Variants in ALDH5A1 observed in about 807,000 individuals in gnomAD.
The protein encoded by ALDH5A1 is succinate-semialdehyde dehydrogenase, mitochondrial.
ALDH5A1 carries 33 observed loss-of-function variants against 54.7 expected under a neutral mutation model. That is an observed-to-expected ratio of 0.60 (90% CI 0.46 to 0.81). ALDH5A1 has a LOEUF of 0.81. Ranked by LOEUF, ALDH5A1 falls within the 30% of genes least tolerant of loss-of-function variation. The probability of loss-of-function intolerance (pLI) is 0.00; values close to 1 mark genes in which losing one functional copy is unlikely to be tolerated. For missense variants in ALDH5A1, 657 were observed against 711.0 expected (o/e 0.92, Z 0.86); for synonymous variants, 294 against 292.7 (o/e 1.00, Z -0.05).
intron 1 of ALDH5A1, 86 bp downstream of exon 1, chr6:24,495,436 C>T: frequency 7.6e-7 from 1 of 1,323,856 alleles, no homozygotes; most frequent in South Asian, 1.3e-5. Context: ...TGACACCAGC[C>T]GCGTCGCCTC....
intron 2 of ALDH5A1, 31 bp downstream of exon 2, chr6:24,502,637 A>G (rs770021720): frequency 9.6e-6 from 15 of 1,565,954 alleles, no homozygotes; most frequent in Non-Finnish European, 1.2e-5. Context: ...TGGTGCACTG[A>G]GAAATTCTCC....
chr6:24,533,812 A>G lies in ALDH5A1; in HGVS notation c.*100A>G. ...AATAAACTAATAGGTTTTCAGAATT[A>G]TGAATTTTTCAGAACTCATCCAGTC... On this transcript the variant is annotated 3_prime_UTR_variant, in exon 10 of 10. Transcript: ENST00000357578. The G allele has an allele frequency of 4.9e-6, 6 of 1,227,436 alleles. No individual in the cohort carries two copies. The highest frequency in any genetic ancestry group is 6.9e-6 in the Non-Finnish European group (6 of 871,296). The allele number at this position is 1,227,436 out of a possible 1,614,324, so 76.0% of individuals were successfully genotyped here. A position where few individuals can be genotyped will look rare whatever the true frequency, so the allele number is the denominator to read the frequency against.
Position 24,504,988 on chromosome 6 carries a change from G to A in ALDH5A1, c.726+3G>A, listed in dbSNP as rs114082057. 33,975 of 1,613,416 alleles carry A rather than the reference G, an allele frequency of 0.021. 457 individuals carry two copies. The highest frequency in any genetic ancestry group is 0.038 in the South Asian group (3,446 of 91,064). On this transcript the variant is annotated splice_donor_region_variant and intron_variant, in intron 4 of 9. Transcript: ENST00000357578. ...TCTCCGCCCTGGCCCTGGCTGAGGT[G>A]AGCCGCTCTCCCTGTGTTTGTACAA...
rs1224534490 is a variant in ALDH5A1, at chr6:24,518,812, T to G, written c.871-1589T>G. 6.6e-6 allele frequency among the ~76,000 whole-genome samples: 1 copy of G among 152,138 alleles called. No homozygotes were observed. Among genetic ancestry groups the G allele is most frequent in the Admixed American group, 6.6e-5 (1 of 15,260 alleles). ...CTCATGACCTCAGAATGTACAACAC[T>G]TGGGGGGCAATCCTAGAGCCACCTT... is the stretch of plus-strand genomic sequence containing the variant. On this transcript the variant is annotated intron_variant, in intron 5 of 9. Transcript: ENST00000357578. This position sits in a 1 kb window ranked among gnomAD's most constrained non-coding sequence, Gnocchi z 4.2.
At position 24,509,725 on chromosome 6, in the gene ALDH5A1, T is replaced by C. The variant is rs542933563; in HGVS notation, c.726+4740T>C. On this transcript the variant is annotated intron_variant, in intron 4 of 9. Transcript: ENST00000357578. The surrounding 1 kb of genome is among the most constrained non-coding windows in gnomAD (Gnocchi z 4.7). Reference sequence around the variant, plus strand: ...GATTTTCTCTCTTCTCTTCTAATGGTCTATCAATTTTATCTTTTCAAAGAA... The same window carrying C: ...GATTTTCTCTCTTCTCTTCTAATGGCCTATCAATTTTATCTTTTCAAAGAA... Among the ~76,000 whole-genome samples the C allele has an allele frequency of 1.3e-5, 2 of 152,212 alleles. No individual in the cohort carries two copies. The highest frequency in any genetic ancestry group is 1.3e-4 in the Admixed American group (2 of 15,280).
rs1383446414 is a variant in ALDH5A1 at position 24,518,634 on chromosome 6, A to G, written c.871-1767A>G. On this transcript the variant is annotated intron_variant, in intron 5 of 9. Coordinates refer to ENST00000357578, the MANE Select transcript of ALDH5A1 (RefSeq NM_001080.3). The surrounding 1 kb of genome is among the most constrained non-coding windows in gnomAD (Gnocchi z 4.2). ...GATAAAGAAATATGTTTAGTCTTAA[A>G]ACTTGAACTACTTTGTTGAACAGTA... is the stretch of plus-strand genomic sequence containing the variant. Among the ~76,000 whole-genome samples, 1 of 152,276 alleles carries G rather than the reference A, an allele frequency of 6.6e-6. No homozygotes were observed. The highest frequency in any genetic ancestry group is 1.9e-4 in the East Asian group (1 of 5,204).
At chr6:24,515,861 A>G (rs1463126375) in intron 5 of ALDH5A1, among the ~76,000 whole-genome samples, 6 of 152,104 alleles carry the variant, frequency 3.9e-5, no homozygotes, top group African/African-American at 1.4e-4. Context: ...TTATTTTTGC[A>G]TTATTTGTTG....
At chr6:24,531,628 T>C (rs568887928) in intron 8 of ALDH5A1, among the ~76,000 whole-genome samples, 1 of 152,328 alleles carries the variant, frequency 6.6e-6, no homozygotes, top group South Asian at 2.1e-4. Flanking sequence ...TGGCCTGGGC[T>C]TTGGTGCATT....
chr6:24,513,619 G>A (rs1001483400), intron 4 of ALDH5A1, among the ~76,000 whole-genome samples: 16 of 152,120 alleles, frequency 1.1e-4, no homozygotes, highest in Non-Finnish European at 2.1e-4. Flanking sequence ...GCTCCCAGGG[G>A]CTGGACTCTC....
chr6:24,522,641 C>T, intron 6 of ALDH5A1, 126 bp from the exon 7 acceptor site: 2 of 1,136,118 alleles, frequency 1.8e-6, no homozygotes, highest in Non-Finnish European at 1.3e-6. Flanking sequence ...AGGAAAATGG[C>T]AGTTTGAGCA....
chr6:24,526,949 ATCTAATATATATATATGTGTGTGTG>A, intron 7 of ALDH5A1, among the ~76,000 whole-genome samples: 1 of 57,412 alleles, frequency 1.7e-5, no homozygotes, highest in South Asian at 5.1e-4. Context: ...CTATATATAT[ATCTAATATATATATATGTGTGTGTG>A]TATATATATA....
chr6:24,510,892 T>C (rs1241829683), intron 4 of ALDH5A1, among the ~76,000 whole-genome samples: 2 of 152,216 alleles, frequency 1.3e-5, no homozygotes, highest in African/African-American at 4.8e-5. Flanking sequence ...TTTTGTTTTT[T>C]AATTGTATTT....
chr6:24,503,046 A>T (rs1435602452), intron 2 of ALDH5A1, among the ~76,000 whole-genome samples: 1 of 152,204 alleles, frequency 6.6e-6, no homozygotes, highest in Non-Finnish European at 1.5e-5. Flanking sequence ...ATTTGTAAAC[A>T]TATTGAGAAT....
chr6:24,497,340 T>G (rs923447009), intron 1 of ALDH5A1, among the ~76,000 whole-genome samples: 2 of 147,168 alleles, frequency 1.4e-5, no homozygotes, highest in African/African-American at 5.4e-5. Context: ...AGAGCGCTGA[T>G]TGGTGCATTT....
At chr6:24,501,905 G>A (rs545785470) in intron 1 of ALDH5A1, among the ~76,000 whole-genome samples, 1 of 147,644 alleles carries the variant, frequency 6.8e-6, no homozygotes, top group African/African-American at 2.6e-5. Context: ...ATGTGTGTGT[G>A]TGTGTGTGGG....
chr6:24,501,877 A>T (rs1438729512), intron 1 of ALDH5A1, among the ~76,000 whole-genome samples: 1 of 5,384 alleles, frequency 1.9e-4, no homozygotes, highest in African/African-American at 8.4e-4. Context: ...CCAATGTTTT[A>T]TATATATATA....
chr6:24,498,794 T>C (rs1764761099), intron 1 of ALDH5A1, among the ~76,000 whole-genome samples: 1 of 151,960 alleles, frequency 6.6e-6, no homozygotes, highest in Non-Finnish European at 1.5e-5. Context: ...TGAAACACTG[T>C]CTCTACTAAA....
At chr6:24,499,663 C>CTTT (rs201732598) in intron 1 of ALDH5A1, among the ~76,000 whole-genome samples, 2 of 124,930 alleles carry the variant, frequency 1.6e-5, no homozygotes, top group African/African-American at 6.5e-5. Flanking sequence ...CAGATAATTT[C>CTTT]TTTTCTTTTT....
chr6:24,530,001 T>G (rs1342021725), intron 8 of ALDH5A1, among the ~76,000 whole-genome samples: 1 of 152,230 alleles, frequency 6.6e-6, no homozygotes, highest in African/African-American at 2.4e-5. Context: ...TGTTTAGTCC[T>G]GGAAAATTTT....
Sources: gnomAD v4.1 joint callset for allele counts (sites outside exome capture counted in the v4.1 genomes callset) on GRCh38, gnomAD v4.1.1 for gene constraint, Gnocchi (gnomAD v3.1) non-coding constraint, MANE v1.5 for transcripts, NCBI Gene and HGNC (gene_info 2026-07-23, HGNC 2026-07-21) for gene names.